The following HORMAD2 variants were observed in gnomAD, a reference collection of about 807,000 sequenced individuals.
The protein encoded by HORMAD2 is HORMA domain containing 2.
A neutral mutation model predicts 38.8 loss-of-function variants in HORMAD2; 45 were observed. That is an observed-to-expected ratio of 1.16 (90% CI 0.91 to 1.49). The LOEUF (loss-of-function observed/expected upper bound fraction) is 1.49. HORMAD2 is among the 40% of genes most tolerant of loss of function. The probability of loss-of-function intolerance (pLI) is 0.00; values close to 1 mark genes in which losing one functional copy is unlikely to be tolerated. For synonymous variants in HORMAD2, 126 were observed against 122.8 expected, an observed-to-expected ratio of 1.03 and a Z score of -0.17; for missense variants, 338 against 367.0, an observed-to-expected ratio of 0.92 and a Z score of 0.65.
chr22:30,181,350 C>T (rs1926708916), downstream of HORMAD2, among the ~76,000 whole-genome samples: 2 of 152,018 alleles, frequency 1.3e-5, no homozygotes, highest in South Asian at 4.1e-4. Flanking sequence ...CCCAGAGCTC[C>T]TACATCAACA....
the HORMAD2 span, among the ~76,000 whole-genome samples, chr22:30,197,310 A>G: frequency 6.6e-6 from 1 of 152,030 alleles, no homozygotes; most frequent in African/African-American, 2.4e-5. Context: ...CTTGGGATAT[A>G]TCACAAGGAA....
intron 1 of HORMAD2, among the ~76,000 whole-genome samples, chr22:30,088,046 C>T (rs75471380): frequency 0.13 from 12,024 of 95,426 alleles, 566 homozygotes; most frequent in African/African-American, 0.27. Context: ...TGTATACACA[C>T]GTACACACGT....
At chr22:30,166,689 G>A (rs1031378961) in intron 10 of HORMAD2, among the ~76,000 whole-genome samples, 19 of 152,118 alleles carry the variant, frequency 1.2e-4, no homozygotes, top group Non-Finnish European at 2.9e-5. Context: ...CCAAGTATAA[G>A]ACAATTTGTT....
At chr22:30,129,308 A>G (rs1382829722) in intron 10 of HORMAD2, among the ~76,000 whole-genome samples, 2 of 151,204 alleles carry the variant, frequency 1.3e-5, no homozygotes, top group Admixed American at 1.3e-4. Flanking sequence ...GAAAATAAAG[A>G]CATATAAGAT....
Position 30,121,713 on chromosome 22 carries a change from G to A in HORMAD2, c.492G>A (p.Leu164=). ...CCAGTGTTCTACTGATCCGTAAATT[G>A]TATATACTGATGCAGGACCTTGAGC... ...KKASVLLIRK[L]YILMQDLEPL... Residue 164 remains leucine, a synonymous_variant, in exon 9 of 11, where the codon TTG becomes TTA. Coordinates refer to ENST00000336726, the MANE Select transcript of HORMAD2 (RefSeq NM_152510.4). The A allele has an allele frequency of 9.3e-6, 15 of 1,611,026 alleles. No individual in the cohort carries two copies. The highest frequency in any genetic ancestry group is 1.3e-5 in the Non-Finnish European group (15 of 1,178,240).
chr22:30,086,331 G>A (rs1375617542), intron 1 of HORMAD2, among the ~76,000 whole-genome samples: 4 of 152,154 alleles, frequency 2.6e-5, no homozygotes, highest in African/African-American at 9.7e-5. Context: ...TTATAGCAAT[G>A]CAAGAATGGA....
the HORMAD2 span, among the ~76,000 whole-genome samples, chr22:30,182,202 T>C: frequency 6.6e-6 from 1 of 152,218 alleles, no homozygotes; most frequent in Admixed American, 6.5e-5. Flanking sequence ...TCAGCTTCCT[T>C]ATCTGTGAAA....
At chr22:30,102,701 T>G (rs1920958939) in intron 3 of HORMAD2, among the ~76,000 whole-genome samples, 1 of 152,192 alleles carries the variant, frequency 6.6e-6, no homozygotes, top group Admixed American at 6.5e-5. Flanking sequence ...CATTACAGGA[T>G]TACAGCTTCG....
chr22:30,125,375 T>A (rs1601546237), intron 10 of HORMAD2, among the ~76,000 whole-genome samples: 1 of 151,752 alleles, frequency 6.6e-6, no homozygotes, highest in South Asian at 2.1e-4. Context: ...ATTACAGGCA[T>A]GTGCCACCAC....
At chr22:30,195,617 C>T in the HORMAD2 span, among the ~76,000 whole-genome samples, 1 of 152,220 alleles carries the variant, frequency 6.6e-6, no homozygotes, top group African/African-American at 2.4e-5. Context: ...AACATCCTTT[C>T]TGAAGATAGA....
chr22:30,207,005 C>A, the HORMAD2 span: 1 of 464,766 alleles, frequency 2.2e-6, no homozygotes, highest in Admixed American at 2.4e-5. Flanking sequence ...AGAGACAGAG[C>A]CCCAGCAGCC....
intron 10 of HORMAD2, among the ~76,000 whole-genome samples, chr22:30,135,466 A>G (rs1452410203): frequency 6.6e-6 from 1 of 151,972 alleles, no homozygotes; most frequent in Non-Finnish European, 1.5e-5. Flanking sequence ...GGGGAATCTG[A>G]GGCAGTTGGA....
intron 4 of HORMAD2, 99 bp from the exon 5 acceptor site, chr22:30,104,302 A>C: frequency 1.2e-6 from 1 of 859,926 alleles, no homozygotes; most frequent in Non-Finnish European, 1.9e-6. Flanking sequence ...TTATCAACTT[A>C]ATGTACATCA....
At chr22:30,088,054 C>T (rs968885649) in intron 1 of HORMAD2, among the ~76,000 whole-genome samples, 11 of 151,100 alleles carry the variant, frequency 7.3e-5, no homozygotes, top group South Asian at 2.1e-4. Flanking sequence ...CACGTACACA[C>T]GTATACATAT....
At chr22:30,095,596 G>A (rs1016705281) in intron 2 of HORMAD2, among the ~76,000 whole-genome samples, 2 of 152,168 alleles carry the variant, frequency 1.3e-5, no homozygotes, top group South Asian at 4.1e-4. Flanking sequence ...CAGAATGTAA[G>A]CCACACGAGG....
chr22:30,087,152 C>T (rs937616616), intron 1 of HORMAD2, among the ~76,000 whole-genome samples: 6 of 152,132 alleles, frequency 3.9e-5, no homozygotes, highest in African/African-American at 1.4e-4. Flanking sequence ...TGAGCCACTG[C>T]GCCTGGCCTA....
intron 1 of HORMAD2, among the ~76,000 whole-genome samples, chr22:30,092,403 T>C (rs962056434): frequency 2.6e-5 from 4 of 151,748 alleles, no homozygotes; most frequent in African/African-American, 9.7e-5. Context: ...TTCTGGATAT[T>C]AATTCTTTCT....
the HORMAD2 span, among the ~76,000 whole-genome samples, chr22:30,192,910 C>T: frequency 1.7e-4 from 26 of 152,134 alleles, no homozygotes; most frequent in African/African-American, 6.0e-4. Flanking sequence ...TGGCCCATTT[C>T]ATTTTTCCAT....
intron 10 of HORMAD2, among the ~76,000 whole-genome samples, chr22:30,152,717 T>C (rs766620733): frequency 1.3e-4 from 20 of 152,292 alleles, no homozygotes; most frequent in Non-Finnish European, 2.5e-4. Flanking sequence ...TTCCATCTGT[T>C]CTCATCTTTT....
Sources: gnomAD v4.1 joint callset for allele counts (sites outside exome capture counted in the v4.1 genomes callset) on GRCh38, gnomAD v4.1.1 for gene constraint, MANE v1.5 for transcripts, NCBI Gene and HGNC (gene_info 2026-07-23, HGNC 2026-07-21) for gene names.